GALNT17: variants seen among roughly 807,000 people sequenced by gnomAD.
The protein encoded by GALNT17 is polypeptide N-acetylgalactosaminyltransferase 17.
In GALNT17, 29 loss-of-function variants were observed where a neutral mutation model predicts 63.7. The ratio of observed to expected loss-of-function variants is 0.46; its 90% CI spans 0.34 to 0.62. The LOEUF (loss-of-function observed/expected upper bound fraction) is 0.62. Ranked by LOEUF, GALNT17 falls within the 20% of genes least tolerant of loss-of-function variation. The pLI is 0.01. For missense variants in GALNT17, 603 were observed against 799.6 expected (o/e 0.75, Z 2.97); for synonymous variants, 305 against 318.3 (o/e 0.96, Z 0.45).
intron 5 of GALNT17, among the ~76,000 whole-genome samples, chr7:71,479,863 A>G (rs1480190203): frequency 6.6e-6 from 1 of 152,186 alleles, no homozygotes; most frequent in South Asian, 2.1e-4. Context: ...AGCAAACACC[A>G]CAGTGGTGCT....
At position 71,254,861 on chromosome 7, in the gene GALNT17, C is replaced by T. The variant is rs182659394; in HGVS notation, c.239-80689C>T. 3.4e-3 allele frequency among the ~76,000 whole-genome samples: 521 copies of T among 152,332 alleles called. 1 individual carries two copies. Among genetic ancestry groups the T allele is most frequent in the Non-Finnish European group, 5.7e-3 (388 of 68,032 alleles). ...GAGACTCGGCCACAGTCTGCTACTG[C>T]GGCTTTCACTGAATCACATCTTGTT... On this transcript the variant is annotated intron_variant, in intron 1 of 10. Transcript: ENST00000333538.
chr7:71,216,046 A>AAATAATAAT (rs1554339811), intron 1 of GALNT17, among the ~76,000 whole-genome samples: 1,265 of 114,328 alleles, frequency 0.011, 20 homozygotes, highest in African/African-American at 0.032. Flanking sequence ...TTGTCTCCAT[A>AAATAATAAT]AATAATAATA....
At chr7:71,133,189 C>A in intron 1 of GALNT17, 149 bp downstream of exon 1, 1 of 645,996 alleles carries the variant, frequency 1.5e-6, no homozygotes, top group Non-Finnish European at 2.5e-6. Context: ...TGCCCCGTTT[C>A]GGGCAGATGG....
intron 1 of GALNT17, among the ~76,000 whole-genome samples, chr7:71,309,054 T>C (rs978915476): frequency 1.3e-5 from 2 of 152,172 alleles, no homozygotes; most frequent in South Asian, 2.1e-4. Flanking sequence ...CATTTCTTTT[T>C]ACTCTCTATC....
At chr7:71,419,377 C>A (rs1786617068) in intron 4 of GALNT17, among the ~76,000 whole-genome samples, 1 of 152,178 alleles carries the variant, frequency 6.6e-6, no homozygotes, top group Admixed American at 6.5e-5. Context: ...TTGTATCTAC[C>A]TCATACGATT....
intron 1 of GALNT17, among the ~76,000 whole-genome samples, chr7:71,217,621 A>G (rs1050843924): frequency 1.3e-5 from 2 of 151,984 alleles, no homozygotes; most frequent in South Asian, 2.1e-4. Flanking sequence ...AGTCATGTAC[A>G]TAGTCGTTGT....
chr7:71,344,232 CA>C (rs1011176175), intron 2 of GALNT17, among the ~76,000 whole-genome samples: 23 of 151,958 alleles, frequency 1.5e-4, no homozygotes, highest in African/African-American at 5.1e-4. Context: ...GAGAGAACAG[CA>C]AGTGCAATGA....
chr7:71,463,482 G>A (rs768715065), intron 5 of GALNT17, among the ~76,000 whole-genome samples: 25 of 152,046 alleles, frequency 1.6e-4, no homozygotes, highest in Non-Finnish European at 3.1e-4. Context: ...TGGATCTCAC[G>A]CAAGAAACAG....
At chr7:71,605,780 T>C (rs1369737480) in intron 6 of GALNT17, among the ~76,000 whole-genome samples, 1 of 152,072 alleles carries the variant, frequency 6.6e-6, no homozygotes, top group Non-Finnish European at 1.5e-5. Context: ...AGAGAATACA[T>C]AGGAAACAGA....
At chr7:71,574,869 T>C (rs1359766479) in intron 6 of GALNT17, among the ~76,000 whole-genome samples, 2 of 152,126 alleles carry the variant, frequency 1.3e-5, no homozygotes, top group Non-Finnish European at 2.9e-5. Context: ...GGCAAATGCA[T>C]GTCCTTTAGC....
chr7:71,649,612 AACACACAC>A (rs148658729), intron 6 of GALNT17, among the ~76,000 whole-genome samples: 9 of 146,268 alleles, frequency 6.2e-5, no homozygotes, highest in African/African-American at 1.0e-4. Context: ...TTCAGGATTA[AACACACAC>A]ACACACACAC....
chr7:71,389,924 C>T (rs886957612), intron 3 of GALNT17, among the ~76,000 whole-genome samples: 2 of 152,084 alleles, frequency 1.3e-5, no homozygotes, highest in African/African-American at 4.8e-5. Flanking sequence ...AACAAAACTC[C>T]TGGGAGATCC....
At chr7:71,359,914 T>C (rs1386704903) in intron 2 of GALNT17, among the ~76,000 whole-genome samples, 2 of 152,026 alleles carry the variant, frequency 1.3e-5, no homozygotes, top group Non-Finnish European at 2.9e-5. Context: ...CCATGTAAGG[T>C]TTCAACCAGA....
chr7:71,585,965 C>T (rs1789711702), intron 6 of GALNT17, among the ~76,000 whole-genome samples: 1 of 143,206 alleles, frequency 7.0e-6, no homozygotes, highest in Non-Finnish European at 1.5e-5. Flanking sequence ...GGCTGGAGTG[C>T]AGTGGCACGA....
At chr7:71,403,142 A>G (rs1793269284) in intron 3 of GALNT17, among the ~76,000 whole-genome samples, 1 of 152,336 alleles carries the variant, frequency 6.6e-6, no homozygotes, top group African/African-American at 2.4e-5. Context: ...TGAAAACCCC[A>G]GCTAAAGCTT....
intron 1 of GALNT17, among the ~76,000 whole-genome samples, chr7:71,316,182 C>T (rs1348416063): frequency 1.1e-5 from 1 of 94,004 alleles, no homozygotes; most frequent in Non-Finnish European, 2.2e-5. Context: ...TCGCAGGCCG[C>T]CTGGGGTCCT....
chr7:71,549,619 C>T (rs1789041517), intron 5 of GALNT17, among the ~76,000 whole-genome samples: 1 of 152,140 alleles, frequency 6.6e-6, no homozygotes, highest in Non-Finnish European at 1.5e-5. Flanking sequence ...TTACAATATA[C>T]ATTAAGACTT....
intron 1 of GALNT17, among the ~76,000 whole-genome samples, chr7:71,234,608 G>T (rs916082273): frequency 3.9e-5 from 6 of 152,166 alleles, no homozygotes; most frequent in Non-Finnish European, 8.8e-5. Context: ...GAGGGAAGGG[G>T]TAGGGTGAAT....
chr7:71,158,622 G>A (rs1788281809), intron 1 of GALNT17, among the ~76,000 whole-genome samples: 1 of 150,914 alleles, frequency 6.6e-6, no homozygotes, highest in Non-Finnish European at 1.5e-5. Flanking sequence ...TGTTGCCCAG[G>A]CTGGAGTGCA....
Sources: gnomAD v4.1 joint callset for allele counts (sites outside exome capture counted in the v4.1 genomes callset) on GRCh38, gnomAD v4.1.1 for gene constraint, MANE v1.5 for transcripts, NCBI Gene and HGNC (gene_info 2026-07-23, HGNC 2026-07-21) for gene names.